Variants in HTT observed in about 807,000 individuals in gnomAD.
HTT encodes huntingtin.
In HTT, 104 loss-of-function variants were observed where a neutral mutation model predicts 362.3. The ratio of observed to expected loss-of-function variants is 0.29; its 90% CI spans 0.24 to 0.34. The LOEUF is 0.34. Among genes scored for constraint, HTT ranks in the 10% least tolerant of loss-of-function variants. HTT has a pLI of 1.00. For missense variants in HTT, 3,301 were observed against 3,928.6 expected, an observed-to-expected ratio of 0.84 and a Z score of 4.27; for synonymous variants, 1,577 against 1,548.7, an observed-to-expected ratio of 1.02 and a Z score of -0.43.
intron 61 of HTT, among the ~76,000 whole-genome samples, chr4:3,234,394 T>G (rs1158911603): frequency 6.6e-6 from 1 of 152,250 alleles, no homozygotes; most frequent in African/African-American, 2.4e-5. Flanking sequence ...GGCAACTGTC[T>G]CTGCATCCCT....
chr4:3,221,409 G>C (rs1720664326), intron 53 of HTT, among the ~76,000 whole-genome samples: 1 of 152,158 alleles, frequency 6.6e-6, no homozygotes, highest in African/African-American at 2.4e-5. Context: ...CCTTGCTCTT[G>C]AACTGCCCAT....
rs1437926906 is a variant in HTT, at chr4:3,204,010, A to G, written c.5580A>G (p.Arg1860=). 6.2e-7 allele frequency: 1 copy of G among 1,613,988 alleles called. No individual in the cohort carries two copies. Among genetic ancestry groups the G allele is most frequent in the East Asian group, 2.2e-5 (1 of 44,900 alleles). ...ATGCATCTGTTGCTCCTTCTAGAAG[A>G]CACAGTCTGTCCAGCACAAAGTTAC... is the stretch of plus-strand genomic sequence containing the variant. ...WWAEVQQTPK[R]HSLSSTKLLS... The change falls in exon 42 of 67, where the codon AGA becomes AGG. Residue 1860 remains arginine, a synonymous_variant. Coordinates refer to ENST00000355072, the MANE Select transcript of HTT (RefSeq NM_001388492.1).
intron 37 of HTT, among the ~76,000 whole-genome samples, chr4:3,182,876 C>G (rs1391823725): frequency 6.6e-6 from 1 of 152,100 alleles, no homozygotes; most frequent in Non-Finnish European, 1.5e-5. Context: ...TAGCAGTTTT[C>G]CTTTCCTTTC....
chr4:3,175,155 A>G (rs763398207), intron 33 of HTT, 48 bp downstream of exon 33: 10 of 1,509,282 alleles, frequency 6.6e-6, no homozygotes, highest in South Asian at 5.9e-5. Context: ...CTAATTTAGT[A>G]CAAATTACCC....
chr4:3,081,059 G>A lies in HTT; in HGVS notation c.264-5880G>A, dbSNP rs138965371. On this transcript the variant is annotated intron_variant, in intron 1 of 66. Coordinates refer to ENST00000355072, the MANE Select transcript of HTT (RefSeq NM_001388492.1). ...TTTGTTCCTTTTCAAGATTGATTTGGCCATGCTGGGTCCCTTGCATTTCCG... is the reference window on the plus strand; with the variant it reads ...TTTGTTCCTTTTCAAGATTGATTTGACCATGCTGGGTCCCTTGCATTTCCG... 5.9e-5 allele frequency among the ~76,000 whole-genome samples: 9 copies of A among 152,294 alleles called. No homozygotes were observed. The East Asian group carries it at 1.7e-3, about 29-fold the overall frequency.
At chr4:3,083,725 A>G (rs913204439) in intron 1 of HTT, among the ~76,000 whole-genome samples, 1 of 152,168 alleles carries the variant, frequency 6.6e-6, no homozygotes, top group African/African-American at 2.4e-5. Context: ...ACAGTTTGGC[A>G]GTTTGTCATA....
intron 8 of HTT, among the ~76,000 whole-genome samples, chr4:3,118,140 C>G (rs965432129): frequency 6.6e-6 from 1 of 152,122 alleles, no homozygotes; most frequent in African/African-American, 2.4e-5. Context: ...ACCTTTTTCT[C>G]TTCTCTGTAT....
chr4:3,190,925 T>C (rs1718984690), intron 40 of HTT, among the ~76,000 whole-genome samples: 1 of 152,226 alleles, frequency 6.6e-6, no homozygotes, highest in Admixed American at 6.5e-5. Flanking sequence ...AATTCTAATT[T>C]CTAGTAACAG....
chr4:3,192,062 T>C (rs1340333720), intron 40 of HTT, among the ~76,000 whole-genome samples: 3 of 152,162 alleles, frequency 2.0e-5, no homozygotes, highest in South Asian at 2.1e-4. Flanking sequence ...TTTTCATTTA[T>C]ATAATTTTTA....
chr4:3,238,757 C>A (rs1212842050), intron 65 of HTT, 61 bp from the exon 66 acceptor site: 155 of 1,212,574 alleles, frequency 1.3e-4, no homozygotes, highest in Non-Finnish European at 1.6e-4. Flanking sequence ...GCCACCCAGG[C>A]GCAGCAGGTG....
In HTT at chr4:3,173,128, C is replaced by T. The variant is rs60135671; in HGVS notation, c.4163C>T (p.Ser1388Leu). The change falls in exon 31 of 67, where the codon TCG (serine) becomes TTG (leucine). Residue 1388 changes from serine to leucine, a missense_variant. This residue lies in a region of HTT where 2,316 missense variants were observed against 2,658.5 expected (regional missense o/e 0.87). Transcript: ENST00000355072. The part of the protein sequence containing the change: ...MVQAEQENDT[S>L]GWFDVLQKVS... ...CAGGCGGAGCAGGAGAACGACACCT[C>T]GGGGTAACAGTTGTGGCAAGAATGC... The T allele has an allele frequency of 4.3e-6, 7 of 1,612,658 alleles. No individual in the cohort carries two copies. The Admixed American group carries it at 8.3e-5, about 19-fold the overall frequency.
In HTT at chr4:3,215,183, G is replaced by A; in HGVS notation, c.7026G>A (p.Glu2342=). The change falls in exon 51 of 67, where the codon GAG becomes GAA. Residue 2342 remains glutamate, a synonymous_variant. Coordinates refer to ENST00000355072, the MANE Select transcript of HTT (RefSeq NM_001388492.1). ...ATACCCCAAAAGCCATCAGCGAGGA[G>A]GAGGAGGAAGTAGATCCAAACACAC... ...RTNTPKAISE[E]EEEVDPNTQN... is the part of the protein sequence containing the mutation. 3 of 1,614,010 alleles carry A rather than the reference G, an allele frequency of 1.9e-6. No homozygotes were observed. Among genetic ancestry groups the A allele is most frequent in the Non-Finnish European group, 2.5e-6 (3 of 1,179,938 alleles).
At chr4:3,129,717 CT>C in intron 12 of HTT, 1 of 452,570 alleles carries the variant, frequency 2.2e-6, no homozygotes, top group African/African-American at 2.0e-5. Context: ...GCTAATAGAG[CT>C]TTTCATAATG....
chr4:3,220,165 C>A lies in HTT; in HGVS notation c.7243-17C>A, dbSNP rs1432625076. 1.9e-6 allele frequency: 3 copies of A among 1,614,032 alleles called. No homozygotes were observed. Among genetic ancestry groups the A allele is most frequent in the Admixed American group, 3.3e-5 (2 of 60,022 alleles). On this transcript the variant is annotated splice_polypyrimidine_tract_variant and intron_variant, in intron 52 of 66. Transcript: ENST00000355072. ...TGACTCAACTCGGATGATGTCACTT[C>A]CTTTTCATCTTCTCAGGTGTGGAAG...
intron 64 of HTT, 36 bp from the exon 65 acceptor site, chr4:3,238,411 C>G (rs1326666485): frequency 2.6e-6 from 4 of 1,546,214 alleles, no homozygotes; most frequent in Non-Finnish European, 3.5e-6. Flanking sequence ...GCTGTGGGAG[C>G]TGGTGCCAGT....
At chr4:3,130,969 C>T (rs1358699709) in intron 14 of HTT, among the ~76,000 whole-genome samples, 2 of 152,062 alleles carry the variant, frequency 1.3e-5, no homozygotes, top group African/African-American at 2.4e-5. Context: ...TGTAGAAGAC[C>T]TTTCATGCTT....
chr4:3,209,722 T>G (rs1720053664), intron 46 of HTT, 105 bp from the exon 47 acceptor site: 1 of 1,393,070 alleles, frequency 7.2e-7, no homozygotes, highest in South Asian at 1.3e-5. Flanking sequence ...CCTCTCAGCC[T>G]AGTGCGGTGT....
intron 34 of HTT, among the ~76,000 whole-genome samples, chr4:3,177,947 T>C (rs1718312021): frequency 6.6e-6 from 1 of 152,242 alleles, no homozygotes; most frequent in South Asian, 2.1e-4. Flanking sequence ...TTTATTCTAA[T>C]TACATGACAC....
intron 2 of HTT, among the ~76,000 whole-genome samples, chr4:3,088,211 G>T (rs1213676127): frequency 1.4e-5 from 2 of 144,028 alleles, no homozygotes; most frequent in African/African-American, 5.2e-5. Context: ...TTTTGAGACG[G>T]AGTCACGATC....
Sources: allele counts gnomAD v4.1 joint callset (sites outside exome capture counted in the v4.1 genomes callset), GRCh38; gene constraint gnomAD v4.1.1; regional missense constraint gnomAD v4.1.1; transcripts MANE v1.5; gene names NCBI Gene and HGNC (gene_info 2026-07-23, HGNC 2026-07-21).